Variants in MYH3 observed in about 807,000 individuals in gnomAD.
MYH3 encodes myosin-3.
MYH3 carries 130 observed loss-of-function variants against 238.0 expected under a neutral mutation model. The observed-to-expected ratio is 0.55, with a 90% CI of 0.47 to 0.63. The LOEUF (loss-of-function observed/expected upper bound fraction) is 0.63, where lower values mean the gene tolerates loss of function less well. Ranked by LOEUF, MYH3 falls within the 30% of genes least tolerant of loss-of-function variation. MYH3 has a pLI of 0.00. For missense variants in MYH3, 1,853 were observed against 2,374.9 expected (o/e 0.78, Z 4.57); for synonymous variants, 880 against 924.1 (o/e 0.95, Z 0.86).
intron 28 of MYH3, 59 bp from the exon 29 acceptor site, chr17:10,635,912 C>G: frequency 1.4e-6 from 2 of 1,406,468 alleles, no homozygotes; most frequent in South Asian, 1.2e-5. Flanking sequence ...CACCAACTTT[C>G]TATTATGTGT....
Position 10,649,691 on chromosome 17 carries a change from C to T in MYH3, c.534-6G>A, listed in dbSNP as rs781189723. 5.0e-6 allele frequency: 8 copies of T among 1,612,794 alleles called. No homozygotes were observed. Among genetic ancestry groups the T allele is most frequent in the Admixed American group, 3.3e-5 (2 of 60,024 alleles). ...TTCCTGCCCCGGATTCTCCGCTGTA[C>T]AGAGTGATCAAAAGAGAGAGAAAGA... On this transcript the variant is annotated splice_region_variant and splice_polypyrimidine_tract_variant and intron_variant, in intron 6 of 40. Transcript: ENST00000583535.
At chr17:10,660,968 G>C (rs1381427438), upstream of MYH3, among the ~76,000 whole-genome samples, 2 of 151,334 alleles carry the variant, frequency 1.3e-5, no homozygotes, top group Non-Finnish European at 2.9e-5. Context: ...CTGGGCAACA[G>C]AGTGAGACTC....
Position 10,635,873 on chromosome 17 carries a change from G to C in MYH3, c.3857-20C>G. 6.3e-7 allele frequency: 1 copy of C among 1,592,354 alleles called. No individual in the cohort carries two copies. The highest frequency in any genetic ancestry group is 8.6e-7 in the Non-Finnish European group (1 of 1,160,376). The stretch of plus-strand genomic sequence containing the variant: ...GCTCACCTGTGTCCAGAAGGAAATA[G>C]TTTCATTTCATTTATTCACTCATTC... On this transcript the variant is annotated intron_variant, in intron 28 of 40. Coordinates refer to ENST00000583535, the MANE Select transcript of MYH3 (RefSeq NM_002470.4).
At chr17:10,628,735 C>A (rs375056974) in intron 40 of MYH3, 56 bp from the exon 41 acceptor site, 3 of 1,588,372 alleles carry the variant, frequency 1.9e-6, no homozygotes, top group Non-Finnish European at 2.6e-6. Flanking sequence ...ACATTCCCAC[C>A]CACCACTTCT....
rs187437880 is a variant in MYH3, at chr17:10,631,540, T to C, written c.5286+71A>G. ...GTGTGGCTGGGGGAGACCGCACCTGTCTAACTATGTGAGGGCTTTAATGCA... is the reference window on the plus strand; with the variant it reads ...GTGTGGCTGGGGGAGACCGCACCTGCCTAACTATGTGAGGGCTTTAATGCA... On this transcript the variant is annotated intron_variant, in intron 36 of 40. Coordinates refer to ENST00000583535, the MANE Select transcript of MYH3 (RefSeq NM_002470.4). The C allele has an allele frequency of 1.4e-4, 231 of 1,611,738 alleles. 1 individual carries two copies. In the African/African-American group the frequency reaches 2.6e-3, roughly 18 times the overall value.
Position 10,654,035 on chromosome 17 carries a change from G to C in MYH3, c.204+826C>G, listed in dbSNP as rs576586771. On this transcript the variant is annotated intron_variant, in intron 3 of 40. Transcript: ENST00000583535. The surrounding 1 kb of genome is among the most constrained non-coding windows in gnomAD (Gnocchi z 4.5). ...TGCAGTGGCGTGATCTAGGCTCACTGCAAGCTCCACCTCCCGGGTTCACGT... is the reference window on the plus strand; with the variant it reads ...TGCAGTGGCGTGATCTAGGCTCACTCCAAGCTCCACCTCCCGGGTTCACGT... Among the ~76,000 whole-genome samples the C allele has an allele frequency of 2.0e-5, 3 of 152,182 alleles. No individual in the cohort carries two copies. Among genetic ancestry groups the C allele is most frequent in the African/African-American group, 7.2e-5 (3 of 41,524 alleles).
chr17:10,643,053 C>A lies in MYH3; in HGVS notation c.1411-57G>T, dbSNP rs568310609. ...GTTAGACTTCTTTCAGAATCAAAGA[C>A]TGTCAACATTCCTCCTCATTGCCCC... On this transcript the variant is annotated intron_variant, in intron 14 of 40. Coordinates refer to ENST00000583535, the MANE Select transcript of MYH3 (RefSeq NM_002470.4). The A allele has an allele frequency of 7.4e-5, 119 of 1,613,804 alleles. No individual in the cohort carries two copies. In the African/African-American group the frequency reaches 1.2e-3, roughly 17 times the overall value.
At position 10,632,024 on chromosome 17, in the gene MYH3, G is replaced by A; in HGVS notation, c.4957-8C>T. 6.2e-7 allele frequency: 1 copy of A among 1,612,796 alleles called. No individual in the cohort carries two copies. The highest frequency in any genetic ancestry group is 8.5e-7 in the Non-Finnish European group (1 of 1,179,962). ...CAGGTGGAGCTGCGTATCCTAGCCA[G>A]AGAAAAACGAACATTCTATTTGAAG... is the stretch of plus-strand genomic sequence containing the variant. On this transcript the variant is annotated splice_region_variant and splice_polypyrimidine_tract_variant and intron_variant, in intron 34 of 40. Transcript: ENST00000583535.
chr17:10,645,153 G>A (rs866459010), intron 12 of MYH3, among the ~76,000 whole-genome samples: 13 of 150,988 alleles, frequency 8.6e-5, no homozygotes, highest in Admixed American at 2.6e-4. Context: ...CTCTCATGCC[G>A]GCAGGGCACA....
chr17:10,650,679 C>T (rs919068063), intron 5 of MYH3, among the ~76,000 whole-genome samples: 16 of 152,072 alleles, frequency 1.1e-4, no homozygotes, highest in Non-Finnish European at 2.1e-4. Context: ...TTAACAAATC[C>T]GTCACCTCAC....
In MYH3 at chr17:10,640,516, T is replaced by G. The variant is rs201286384; in HGVS notation, c.2289+47A>C. ...ATGAGTCAGTTTCCTAGAGAAGCTG[T>G]GTCAAGAGGACGAAAAGGCCAGCAT... On this transcript the variant is annotated intron_variant, in intron 20 of 40. Coordinates refer to ENST00000583535, the MANE Select transcript of MYH3 (RefSeq NM_002470.4). 5.9e-5 allele frequency: 96 copies of G among 1,614,232 alleles called. 1 individual carries two copies. In the African/African-American group the frequency reaches 1.2e-3, roughly 20 times the overall value.
Position 10,638,976 on chromosome 17 carries a change from A to G in MYH3, c.3249-13T>C, listed in dbSNP as rs777909473. The G allele has an allele frequency of 2.5e-6, 4 of 1,614,172 alleles. No homozygotes were observed. The Admixed American group carries it at 5.0e-5, about 20-fold the overall frequency. On this transcript the variant is annotated splice_polypyrimidine_tract_variant and intron_variant, in intron 25 of 40. Transcript: ENST00000583535. Reference sequence around the variant, plus strand: ...TTCAAAATCTTTCCTGTGAAGAGAAATGTAGAATGCATGAAGACAAAATAC... The same window carrying G: ...TTCAAAATCTTTCCTGTGAAGAGAAGTGTAGAATGCATGAAGACAAAATAC...
Position 10,648,590 on chromosome 17 carries a change from G to A in MYH3, c.702C>T (p.Ala234=), listed in dbSNP as rs1597491125. ...ANPLLEAFGN[A]KTVRNDNSSR... ...AGGAGTTGTCATTCCTCACAGTCTT[G>A]GCGTTCCCAAAGGCCTCCAGCAGGG... The change falls in exon 8 of 41, where the codon GCC becomes GCT. Residue 234 remains alanine (A), a synonymous_variant. Coordinates refer to ENST00000583535, the MANE Select transcript of MYH3 (RefSeq NM_002470.4). 3 of 1,613,932 alleles carry A rather than the reference G, an allele frequency of 1.9e-6. No individual in the cohort carries two copies. The highest frequency in any genetic ancestry group is 2.7e-5 in the African/African-American group (2 of 74,896).
rs1011140348 is a variant in MYH3 at position 10,654,198 on chromosome 17, TTTCC to T, written c.204+659_204+662del. Among the ~76,000 whole-genome samples, 23 of 151,870 alleles carry T rather than the reference TTTCC, an allele frequency of 1.5e-4. No individual in the cohort carries two copies. The highest frequency in any genetic ancestry group is 4.8e-4 in the African/African-American group (20 of 41,370). On this transcript the variant is annotated intron_variant, in intron 3 of 40. Transcript: ENST00000583535. This position sits in a 1 kb window ranked among gnomAD's most constrained non-coding sequence, Gnocchi z 4.5. ...CCTTGCTTTCTTTCTTCCTTCTTTCTTTCCTTCCTTCCTTCCCTCCATCTCTCTT... is the reference window on the plus strand; with the variant it reads ...CCTTGCTTTCTTTCTTCCTTCTTTCTTTCCTTCCTTCCCTCCATCTCTCTT...
In MYH3 at chr17:10,641,345, A is replaced by T; in HGVS notation, c.1987T>A (p.Leu663Ile). The T allele has an allele frequency of 6.2e-7, 1 of 1,612,176 alleles. No individual in the cohort carries two copies. The highest frequency in any genetic ancestry group is 8.5e-7 in the Non-Finnish European group (1 of 1,178,936). ...ACAAAATGAGGGTGAGTAGTTCTTAAATTTGACATCAGCTTGTTCAGGTTT... is the reference window on the plus strand; with the variant it reads ...ACAAAATGAGGGTGAGTAGTTCTTATATTTGACATCAGCTTGTTCAGGTTT... ...RENLNKLMSN[L>I]RTTHPHFVRC... is the part of the protein sequence containing the mutation. The change falls in exon 18 of 41, where the codon TTA becomes ATA. Residue 663 changes from leucine to isoleucine, a missense_variant. By Grantham distance (5) the Leu-to-Ile change is conservative (BLOSUM62 2). This residue lies in a region of MYH3 where 678 missense variants were observed against 1,058.9 expected (regional missense o/e 0.64). Coordinates refer to ENST00000583535, the MANE Select transcript of MYH3 (RefSeq NM_002470.4).
At chr17:10,641,013 A>G in intron 19 of MYH3, 72 bp downstream of exon 19, 2 of 1,227,062 alleles carry the variant, frequency 1.6e-6, no homozygotes, top group Non-Finnish European at 2.4e-6. Context: ...TTTCATACGA[A>G]TCTTTCTCCC....
chr17:10,671,436 T>A, the MYH3 span, among the ~76,000 whole-genome samples: 42 of 152,274 alleles, frequency 2.8e-4, no homozygotes, highest in African/African-American at 9.6e-4. Context: ...ACCCCCATCC[T>A]CAATGGGTAA....
chr17:10,643,097 T>C lies in MYH3; in HGVS notation c.1411-101A>G, dbSNP rs2074288318. 24 of 1,592,924 alleles carry C rather than the reference T, an allele frequency of 1.5e-5. No homozygotes were observed. The South Asian group carries it at 2.4e-4, about 16-fold the overall frequency. The stretch of plus-strand genomic sequence containing the variant: ...TTGCCCCAGGTTCCTGTCAAACACA[T>C]TAATGCTTTCAAATACAATCACAAT... On this transcript the variant is annotated intron_variant, in intron 14 of 40. Coordinates refer to ENST00000583535, the MANE Select transcript of MYH3 (RefSeq NM_002470.4).
chr17:10,644,415 T>A lies in MYH3; in HGVS notation c.1346A>T (p.Asp449Val), dbSNP rs2074301267. 1.2e-6 allele frequency: 2 copies of A among 1,614,054 alleles called. No homozygotes were observed. The highest frequency in any genetic ancestry group is 2.7e-5 in the African/African-American group (2 of 74,946). ...WMVTRINQQLDTKLPRQHFIG... is the reference protein window; with the variant it reads ...WMVTRINQQLVTKLPRQHFIG... ...GAAGTGTTGTCTTGGAAGCTTCGTA[T>A]CCAGTTGCTGGTTAATGCGAGTGAC... Residue 449 changes from aspartate (D) to valine (V), a missense_variant, in exon 14 of 41, where the codon GAT (aspartate) becomes GTT (valine). Physicochemically the swap from Asp to Val is radical, Grantham distance 152 (BLOSUM62 -3). This residue lies in a region of MYH3 where 678 missense variants were observed against 1,058.9 expected (regional missense o/e 0.64). Transcript: ENST00000583535.
Sources: allele counts gnomAD v4.1 joint callset (sites outside exome capture counted in the v4.1 genomes callset), GRCh38; gene constraint gnomAD v4.1.1; regional missense constraint gnomAD v4.1.1; non-coding constraint Gnocchi (gnomAD v3.1); transcripts MANE v1.5; gene names NCBI Gene and HGNC (gene_info 2026-07-23, HGNC 2026-07-21).